The following PRICKLE4 variants were observed in gnomAD, a reference collection of about 807,000 sequenced individuals.
PRICKLE4 encodes prickle planar cell polarity protein 4.
PRICKLE4 carries 40 observed loss-of-function variants against 43.5 expected under a neutral mutation model. The observed-to-expected ratio is 0.92, with a 90% CI of 0.71 to 1.20. The LOEUF is 1.20. PRICKLE4 is among the 50% of genes most tolerant of loss of function. The pLI is 0.00. For synonymous variants in PRICKLE4, 208 were observed against 197.4 expected (o/e 1.05, Z -0.45); for missense variants, 527 against 491.2 (o/e 1.07, Z -0.69).
chr6:41,786,771 G>A lies in PRICKLE4; in HGVS notation c.797G>A (p.Gly266Glu). 6.2e-7 allele frequency: 1 copy of A among 1,612,976 alleles called. No individual in the cohort carries two copies. The highest frequency in any genetic ancestry group is 1.3e-5 in the African/African-American group (1 of 75,032). The part of the protein sequence containing the change: ...LEGQAFLGET[G>E]LDRTEGRDQT... Reference sequence around the variant, plus strand: ...ACCCGGCCCGGAACAGGGGAGACTGGACTCGACCGAACTGAAGGAAGGGAC... The same window carrying A: ...ACCCGGCCCGGAACAGGGGAGACTGAACTCGACCGAACTGAAGGAAGGGAC... Residue 266 changes from glycine to glutamate, a missense_variant, in exon 8 of 8, where the codon GGA becomes GAA. Physicochemically the swap from Gly to Glu is moderately conservative, Grantham distance 98. Coordinates refer to ENST00000458694, the MANE Select transcript of PRICKLE4 (RefSeq NM_013397.6).
chr6:41,784,518 T>G (rs1056203353), intron 4 of PRICKLE4, among the ~76,000 whole-genome samples: 1 of 152,194 alleles, frequency 6.6e-6, no homozygotes, highest in African/African-American at 2.4e-5. Flanking sequence ...TGTACAAATG[T>G]AGAGAGTATG....
chr6:41,781,914 A>T (rs1216036528), intron 2 of PRICKLE4, among the ~76,000 whole-genome samples: 1 of 152,200 alleles, frequency 6.6e-6, no homozygotes. Flanking sequence ...AGTAAATATT[A>T]TTAAAAAGTT....
At chr6:41,785,956 G>C (rs1322417847) in intron 6 of PRICKLE4, among the ~76,000 whole-genome samples, 172 bp from the exon 7 acceptor site, 1 of 152,196 alleles carries the variant, frequency 6.6e-6, no homozygotes, top group Non-Finnish European at 1.5e-5. Flanking sequence ...TTGCTAGCTG[G>C]GATCCTGGCT....
At chr6:41,784,282 C>G (rs751161918) in intron 4 of PRICKLE4, 44 bp downstream of exon 4, 1 of 1,441,058 alleles carries the variant, frequency 6.9e-7, no homozygotes, top group Non-Finnish European at 9.6e-7. Flanking sequence ...CTTTCCCTCC[C>G]TCATCTCTTT....
In PRICKLE4 at chr6:41,786,912, C is replaced by A; in HGVS notation, c.938C>A (p.Pro313His). The A allele has an allele frequency of 6.2e-7, 1 of 1,613,264 alleles. No individual in the cohort carries two copies. Among genetic ancestry groups the A allele is most frequent in the Non-Finnish European group, 8.5e-7 (1 of 1,179,496 alleles). Residue 313 changes from proline to histidine, a missense_variant, in exon 8 of 8, where the codon CCT (proline) becomes CAT (histidine). Transcript: ENST00000458694. Reference sequence around the variant, plus strand: ...TCCAGTCCCCAGCAGGAGAACCGACCTGGGGACAAAGCGGAGGCACCCAAA... The same window carrying A: ...TCCAGTCCCCAGCAGGAGAACCGACATGGGGACAAAGCGGAGGCACCCAAA... Reference protein sequence around the residue: ...PGSSPQQENRPGDKAEAPKGQ... With the variant: ...PGSSPQQENRHGDKAEAPKGQ...
Position 41,785,514 on chromosome 6 carries a change from C to T in PRICKLE4, c.556C>T (p.Arg186Cys), listed in dbSNP as rs192855730. Residue 186 changes from arginine (R) to cysteine (C), a missense_variant, in exon 6 of 8, where the codon CGC becomes TGC. Physicochemically the swap from Arg to Cys is radical, Grantham distance 180. Coordinates refer to ENST00000458694, the MANE Select transcript of PRICKLE4 (RefSeq NM_013397.6). The stretch of plus-strand genomic sequence containing the variant: ...CGGCCGTCATCATGCAGAGTTGCTG[C>T]GCCCGCGCTGCCCGGCTTGTGACCA... ...YCGRHHAELL[R>C]PRCPACDQLI... is the part of the protein sequence containing the mutation. 238 of 1,613,480 alleles carry T rather than the reference C, an allele frequency of 1.5e-4. 1 individual carries two copies. The highest frequency in any genetic ancestry group is 4.8e-4 in the Admixed American group (29 of 60,026).
Position 41,787,193 on chromosome 6 carries a change from C to T in PRICKLE4, c.*64C>T. 6.6e-7 allele frequency: 1 copy of T among 1,513,198 alleles called. No homozygotes were observed. Among genetic ancestry groups the T allele is most frequent in the South Asian group, 1.3e-5 (1 of 76,674 alleles). 93.7% of individuals were successfully genotyped at this position (1,513,198 alleles called of 1,614,324 possible). A position where few individuals can be genotyped will look rare whatever the true frequency, so the allele number is the denominator to read the frequency against. On this transcript the variant is annotated 3_prime_UTR_variant, in exon 8 of 8. Transcript: ENST00000458694. Reference sequence around the variant, plus strand: ...GGGTCTGTAAAGCGGGAGAACAAGGCTAGCCTCCCCCTAACAATCCTAGAC... The same window carrying T: ...GGGTCTGTAAAGCGGGAGAACAAGGTTAGCCTCCCCCTAACAATCCTAGAC...
chr6:41,786,074 A>T (rs1772638257), intron 6 of PRICKLE4, 54 bp from the exon 7 acceptor site: 1 of 1,549,996 alleles, frequency 6.5e-7, no homozygotes. Flanking sequence ...TACTGGATGA[A>T]TGAATGAGGG....
intron 3 of PRICKLE4, 49 bp from the exon 4 acceptor site, chr6:41,784,082 G>C: frequency 1.4e-6 from 2 of 1,397,338 alleles, no homozygotes; most frequent in African/African-American, 2.9e-5. Flanking sequence ...GAAGGAGAAA[G>C]GAAAGAAAAA....
At chr6:41,784,747 GT>G in intron 4 of PRICKLE4, 187 bp from the exon 5 acceptor site, 1 of 682,554 alleles carries the variant, frequency 1.5e-6, no homozygotes, top group Admixed American at 3.0e-5. Context: ...GTGGGGCAGG[GT>G]GAGACTGAGG....
Position 41,787,337 on chromosome 6 carries a change from C to A in PRICKLE4, c.*208C>A, listed in dbSNP as rs1446399225. On this transcript the variant is annotated 3_prime_UTR_variant, in exon 8 of 8. Coordinates refer to ENST00000458694, the MANE Select transcript of PRICKLE4 (RefSeq NM_013397.6). ...GGAGACTTTCTTGGCAAAACCCATTCCCCAAAGCTACGCTTCCCCTGCTGA... is the reference window on the plus strand; with the variant it reads ...GGAGACTTTCTTGGCAAAACCCATTACCCAAAGCTACGCTTCCCCTGCTGA... 4.0e-6 allele frequency: 3 copies of A among 752,560 alleles called. No homozygotes were observed. The highest frequency in any genetic ancestry group is 6.2e-5 in the Admixed American group (2 of 32,174). The allele number at this position is 752,560 out of a possible 1,614,324, so 46.6% of individuals were successfully genotyped here. A position where few individuals can be genotyped will look rare whatever the true frequency, so the allele number is the denominator to read the frequency against.
Position 41,785,049 on chromosome 6 carries a change from C to A in PRICKLE4, c.355C>A (p.Leu119Ile). 1.2e-6 allele frequency: 2 copies of A among 1,613,712 alleles called. No individual in the cohort carries two copies. Among genetic ancestry groups the A allele is most frequent in the Non-Finnish European group, 1.7e-6 (2 of 1,179,826 alleles). The change falls in exon 5 of 8, where the codon CTT becomes ATT. Residue 119 changes from leucine (L) to isoleucine (I), a missense_variant. Transcript: ENST00000458694. ...QGVARLVLPK[L>I]EGHTCEKCRE... ...GGTAGCCCGCCTGGTACTTCCCAAG[C>A]TTGAAGGACACACCTGTGAGAAGGT...
At position 41,787,239 on chromosome 6, in the gene PRICKLE4, G is replaced by A; in HGVS notation, c.*110G>A. On this transcript the variant is annotated 3_prime_UTR_variant, in exon 8 of 8. Transcript: ENST00000458694. ...TAGACTGAGACGCAGTCAGGCGCAC[G>A]CCCGCAAGAGGCGGCGAGGTGACAA... 7.0e-7 allele frequency: 1 copy of A among 1,423,220 alleles called. No individual in the cohort carries two copies. Among genetic ancestry groups the A allele is most frequent in the South Asian group, 1.5e-5 (1 of 68,374 alleles). The allele number at this position is 1,423,220 out of a possible 1,614,324, so 88.2% of individuals were successfully genotyped here.
chr6:41,786,414 G>T, intron 7 of PRICKLE4, 82 bp downstream of exon 7: 1 of 1,437,856 alleles, frequency 7.0e-7, no homozygotes, highest in Non-Finnish European at 9.4e-7. Context: ...CCCTCGCCCC[G>T]GTCCCACGCC....
Position 41,787,008 on chromosome 6 carries a change from C to T in PRICKLE4, c.1034C>T (p.Ser345Phe), listed in dbSNP as rs778112028. 1.2e-6 allele frequency: 2 copies of T among 1,614,132 alleles called. No individual in the cohort carries two copies. Among genetic ancestry groups the T allele is most frequent in the African/African-American group, 1.3e-5 (1 of 75,018 alleles). ...KDTPFSTCSSSSDSEPEGFFL... is the reference protein window; with the variant it reads ...KDTPFSTCSSFSDSEPEGFFL... ...ACCCCTTTCTCCACCTGCTCCTCCTCCTCTGACTCGGAACCTGAAGGATTT... is the reference window on the plus strand; with the variant it reads ...ACCCCTTTCTCCACCTGCTCCTCCTTCTCTGACTCGGAACCTGAAGGATTT... Residue 345 changes from serine (S) to phenylalanine (F), a missense_variant, in exon 8 of 8, where the codon TCC (serine) becomes TTC (phenylalanine). By Grantham distance (155) the Ser-to-Phe change is radical (BLOSUM62 -2). Transcript: ENST00000458694.
intron 3 of PRICKLE4, 192 bp downstream of exon 3, chr6:41,783,797 A>T: frequency 2.4e-6 from 2 of 829,162 alleles, no homozygotes; most frequent in Non-Finnish European, 4.1e-6. Context: ...TCACATGAGT[A>T]TTCATTATCT....
At chr6:41,782,732 G>A (rs1397815760) in intron 2 of PRICKLE4, among the ~76,000 whole-genome samples, 1 of 152,152 alleles carries the variant, frequency 6.6e-6, no homozygotes, top group Non-Finnish European at 1.5e-5. Context: ...GGTCATATCA[G>A]GAGCTGCCGA....
At chr6:41,781,001 C>T (rs1433568485) in intron 1 of PRICKLE4, 175 bp downstream of exon 1, 1 of 157,904 alleles carries the variant, frequency 6.3e-6, no homozygotes, top group Non-Finnish European at 1.4e-5. Flanking sequence ...ACTCCCCTTC[C>T]TTCTCCCTCC....
rs773858715 is a variant in PRICKLE4, at chr6:41,786,118, C to T, written c.583-10C>T. ...AATGAAACGTTCCCCTCTCCCTCTC[C>T]CTCTCCCAGCTGATCTTCTCCTGGC... On this transcript the variant is annotated splice_polypyrimidine_tract_variant and intron_variant, in intron 6 of 7. Transcript: ENST00000458694. The T allele has an allele frequency of 6.2e-6, 10 of 1,611,748 alleles. No individual in the cohort carries two copies. The African/African-American group carries it at 8.0e-5, about 13-fold the overall frequency.
Sources: allele counts gnomAD v4.1 joint callset (sites outside exome capture counted in the v4.1 genomes callset), GRCh38; gene constraint gnomAD v4.1.1; transcripts MANE v1.5; gene names NCBI Gene and HGNC (gene_info 2026-07-23, HGNC 2026-07-21).